BLK: variants seen among roughly 807,000 people sequenced by gnomAD.
BLK encodes BLK proto-oncogene, Src family tyrosine kinase.
BLK carries 64 observed loss-of-function variants against 61.8 expected under a neutral mutation model. The observed-to-expected ratio is 1.03, with a 90% CI of 0.85 to 1.27. The LOEUF (loss-of-function observed/expected upper bound fraction) is 1.27. BLK is among the 50% of genes most tolerant of loss of function. The pLI, the probability that BLK is intolerant of heterozygous loss-of-function variation, is 0.00. For missense variants in BLK, 853 were observed against 660.5 expected (o/e 1.29, Z -3.19); for synonymous variants, 351 against 272.0 (o/e 1.29, Z -2.86).
rs1395148182 is a variant in BLK, at chr8:11,564,359, A to C, written c.*251A>C. Reference sequence around the variant, plus strand: ...GCTGTAACAGTGACCTCGCACGGTCATCCGGAGTACTAAGCCCCAGTAAGG... The same window carrying C: ...GCTGTAACAGTGACCTCGCACGGTCCTCCGGAGTACTAAGCCCCAGTAAGG... On this transcript the variant is annotated 3_prime_UTR_variant, in exon 13 of 13. Transcript: ENST00000259089. 2 of 691,454 alleles carry C rather than the reference A, an allele frequency of 2.9e-6. No homozygotes were observed. Among genetic ancestry groups the C allele is most frequent in the South Asian group, 3.0e-5 (2 of 66,678 alleles). 42.8% of individuals were successfully genotyped at this position (691,454 alleles called of 1,614,324 possible).
chr8:11,551,554 A>G (rs1800906635), intron 6 of BLK, among the ~76,000 whole-genome samples: 1 of 152,208 alleles, frequency 6.6e-6, no homozygotes, highest in Non-Finnish European at 1.5e-5. Context: ...GGGAGCGCAC[A>G]TGATTCAACC....
intron 1 of BLK, among the ~76,000 whole-genome samples, chr8:11,501,495 A>G (rs1486026705): frequency 6.6e-6 from 1 of 152,164 alleles, no homozygotes; most frequent in Admixed American, 6.5e-5. Context: ...CATCTTGTAG[A>G]TGAAGAGCAT....
At position 11,555,360 on chromosome 8, in the gene BLK, G is replaced by A. The variant is rs533412555; in HGVS notation, c.648G>A (p.Leu216=). 10 of 1,614,162 alleles carry A rather than the reference G, an allele frequency of 6.2e-6. No individual in the cohort carries two copies. The South Asian group carries it at 1.1e-4, about 18-fold the overall frequency. Residue 216 remains leucine, a synonymous_variant, in exon 8 of 13, where the codon CTG becomes CTA. Coordinates refer to ENST00000259089, the MANE Select transcript of BLK (RefSeq NM_001715.3). ...AGGGGGATGGTCTATGCCAGAGGCT[G>A]ACCCTGCCCTGTGTGCGCCCGGCCC... ...SKKGDGLCQR[L]TLPCVRPAPQ... is the part of the protein sequence containing the mutation.
chr8:11,528,598 G>T (rs1236459234), intron 1 of BLK, among the ~76,000 whole-genome samples: 2 of 152,198 alleles, frequency 1.3e-5, no homozygotes, highest in African/African-American at 2.4e-5. Flanking sequence ...CCTGCTGACA[G>T]GGGGCATATT....
intron 5 of BLK, among the ~76,000 whole-genome samples, chr8:11,549,681 T>C (rs1800814117): frequency 6.6e-6 from 1 of 152,190 alleles, no homozygotes; most frequent in South Asian, 2.1e-4. Context: ...CTGGACACTG[T>C]GGGCCCCGCT....
intron 1 of BLK, among the ~76,000 whole-genome samples, chr8:11,510,742 G>C (rs376891253): frequency 6.6e-6 from 1 of 151,760 alleles, no homozygotes; most frequent in Non-Finnish European, 1.5e-5. Context: ...TAGCGCCACT[G>C]TACTCCAGCC....
At chr8:11,552,737 C>T (rs910027829) in intron 6 of BLK, 1 of 152,196 alleles carries the variant, frequency 6.6e-6, no homozygotes, top group South Asian at 2.1e-4. Context: ...CCTCCCCACC[C>T]CCTGCCCAAT....
At position 11,564,505 on chromosome 8, in the gene BLK, A is replaced by G. The variant is rs1018572860; in HGVS notation, c.*397A>G. On this transcript the variant is annotated 3_prime_UTR_variant, in exon 13 of 13. Transcript: ENST00000259089. ...CCCGCCCTGCCCCGCTACAGAAGCC[A>G]GACTGGGTCCCGCGGACGCCAGCAG... 1.0e-5 allele frequency: 5 copies of G among 502,376 alleles called. No individual in the cohort carries two copies. Among genetic ancestry groups the G allele is most frequent in the Admixed American group, 6.9e-5 (3 of 43,716 alleles). 31.1% of individuals were successfully genotyped at this position (502,376 alleles called of 1,614,324 possible).
intron 1 of BLK, among the ~76,000 whole-genome samples, chr8:11,526,217 A>T (rs1013816019): frequency 7.9e-5 from 12 of 151,546 alleles, no homozygotes; most frequent in African/African-American, 2.7e-4. Flanking sequence ...TCACCTGCAC[A>T]CTCCCCTCTC....
At chr8:11,519,872 C>A (rs1799372021) in intron 1 of BLK, among the ~76,000 whole-genome samples, 1 of 152,162 alleles carries the variant, frequency 6.6e-6, no homozygotes, top group African/African-American at 2.4e-5. Flanking sequence ...CCTTGCCGCC[C>A]CCACTATCAG....
At chr8:11,550,588 CA>C (rs1346125537) in intron 6 of BLK, among the ~76,000 whole-genome samples, 1 of 152,252 alleles carries the variant, frequency 6.6e-6, no homozygotes, top group Non-Finnish European at 1.5e-5. Flanking sequence ...AGCCCTTAAC[CA>C]CCAGCCTCTT....
intron 5 of BLK, 37 bp downstream of exon 5, chr8:11,549,159 C>G (rs1427413852): frequency 6.5e-7 from 1 of 1,541,096 alleles, no homozygotes; most frequent in South Asian, 1.2e-5. Flanking sequence ...AGCCAAGATG[C>G]AGTCACTGTT....
intron 6 of BLK, among the ~76,000 whole-genome samples, chr8:11,551,061 T>C (rs1277855827): frequency 1.3e-5 from 2 of 152,238 alleles, no homozygotes; most frequent in African/African-American, 4.8e-5. Flanking sequence ...TGGATGGAAA[T>C]CCTTCCTTGC....
intron 11 of BLK, among the ~76,000 whole-genome samples, chr8:11,562,368 T>C (rs1801534848): frequency 6.6e-6 from 1 of 152,158 alleles, no homozygotes; most frequent in Non-Finnish European, 1.5e-5. Flanking sequence ...GCAGACAGGA[T>C]ATGGCTTGTT....
intron 1 of BLK, among the ~76,000 whole-genome samples, chr8:11,527,028 T>C (rs75473987): frequency 0.02 from 2,974 of 152,300 alleles, 53 homozygotes; most frequent in African/African-American, 0.045. Context: ...ATAACTCATG[T>C]CATTCTTATT....
At chr8:11,529,901 G>T (rs1799818969) in intron 1 of BLK, among the ~76,000 whole-genome samples, 1 of 152,080 alleles carries the variant, frequency 6.6e-6, no homozygotes, top group South Asian at 2.1e-4. Flanking sequence ...AAGCCTCAAG[G>T]AATCCAGGTG....
chr8:11,505,451 C>G (rs1213774596), intron 1 of BLK, among the ~76,000 whole-genome samples: 3 of 152,174 alleles, frequency 2.0e-5, no homozygotes, highest in Non-Finnish European at 4.4e-5. Context: ...ACTCATAACT[C>G]AATGCAGGGC....
chr8:11,549,892 A>C (rs1169981853), intron 5 of BLK: 1 of 484,566 alleles, frequency 2.1e-6, no homozygotes, highest in Non-Finnish European at 3.8e-6. Context: ...TTCCAAAGCA[A>C]AATTAACAAA....
chr8:11,534,810 CAG>C (rs1554447856), intron 1 of BLK, among the ~76,000 whole-genome samples: 2 of 152,228 alleles, frequency 1.3e-5, no homozygotes, highest in Non-Finnish European at 2.9e-5. Flanking sequence ...CCAGGTGTTA[CAG>C]AGCAGCCTCT....
Sources: gnomAD v4.1 joint callset for allele counts (sites outside exome capture counted in the v4.1 genomes callset) on GRCh38, gnomAD v4.1.1 for gene constraint, MANE v1.5 for transcripts, NCBI Gene and HGNC (gene_info 2026-07-23, HGNC 2026-07-21) for gene names.